Variants in RTEL1 observed in about 807,000 individuals in gnomAD.
RTEL1 encodes the protein regulator of telomere length.
In RTEL1, 86 loss-of-function variants were observed where a neutral mutation model predicts 162.2. The observed-to-expected ratio is 0.53, with a 90% CI of 0.45 to 0.63. The LOEUF (loss-of-function observed/expected upper bound fraction) is 0.63, where lower values mean the gene tolerates loss of function less well. RTEL1 is among the 30% of genes least tolerant of loss of function. The probability of loss-of-function intolerance (pLI) is 0.00; values close to 1 mark genes in which losing one functional copy is unlikely to be tolerated. For missense variants in RTEL1, 1,941 were observed against 1,750.2 expected (o/e 1.11, Z -1.95); for synonymous variants, 958 against 717.9 (o/e 1.33, Z -5.35).
At chr20:63,690,234 A>AT (rs768664212) in intron 25 of RTEL1, 24 bp downstream of exon 25, 2 of 1,609,944 alleles carry the variant, frequency 1.2e-6, no homozygotes, top group Non-Finnish European at 1.7e-6. Context: ...CAGGGAGGGG[A>AT]TGAGGGTGTT....
chr20:63,667,041 GTGTTAGCCAGGA>G (rs768875132), intron 7 of RTEL1, among the ~76,000 whole-genome samples: 13 of 150,006 alleles, frequency 8.7e-5, no homozygotes, highest in Admixed American at 2.7e-4. Context: ...GGGTTTCACC[GTGTTAGCCAGGA>G]TGGTCTCGAT....
At chr20:63,695,707 G>C (rs950409867) in intron 34 of RTEL1, 57 bp downstream of exon 34, 4 of 1,606,788 alleles carry the variant, frequency 2.5e-6, no homozygotes, top group Non-Finnish European at 3.4e-6. Flanking sequence ...ATGGGCTGAG[G>C]GGGAAAGGGC....
At position 63,696,197 on chromosome 20, in the gene RTEL1, C is replaced by T. The variant is rs1401696898; in HGVS notation, c.*339C>T. ...GGAGACCCCCGTGGGCACGTGTCCA[C>T]TTTTAATCAGGGGACAGGGCTCTCT... On this transcript the variant is annotated 3_prime_UTR_variant, in exon 35 of 35. Coordinates refer to ENST00000360203, the MANE Select transcript of RTEL1 (RefSeq NM_001283009.2). The T allele has an allele frequency of 1.6e-5, 7 of 426,250 alleles. No individual in the cohort carries two copies. The highest frequency in any genetic ancestry group is 8.1e-5 in the African/African-American group (4 of 49,536). The allele number at this position is 426,250 out of a possible 1,614,324, so 26.4% of individuals were successfully genotyped here. A position where few individuals can be genotyped will look rare whatever the true frequency, so the allele number is the denominator to read the frequency against.
chr20:63,672,725 C>G (rs2090269877), intron 9 of RTEL1, 104 bp downstream of exon 9: 2 of 959,288 alleles, frequency 2.1e-6, no homozygotes, highest in Non-Finnish European at 3.3e-6. Flanking sequence ...TCCTGAAGCC[C>G]TAGGTGCCCA....
chr20:63,692,659 A>G, intron 28 of RTEL1, 146 bp from the exon 29 acceptor site: 1 of 765,050 alleles, frequency 1.3e-6, no homozygotes, highest in Non-Finnish European at 2.1e-6. Context: ...CCCTATGTCC[A>G]TCCAGCCAGC....
intron 10 of RTEL1, among the ~76,000 whole-genome samples, chr20:63,677,286 C>CAT (rs1391129200): frequency 6.6e-6 from 1 of 152,214 alleles, no homozygotes; most frequent in African/African-American, 2.4e-5. Context: ...GAGATACAGC[C>CAT]ATACGCACAG....
intron 12 of RTEL1, among the ~76,000 whole-genome samples, chr20:63,679,591 C>G (rs1283275677): frequency 6.6e-6 from 1 of 152,160 alleles, no homozygotes; most frequent in East Asian, 1.9e-4. Flanking sequence ...GGGCGGAGGC[C>G]TCTCACCTCC....
In RTEL1 at chr20:63,682,216, G is replaced by A. The variant is rs2090489951; in HGVS notation, c.1191+1497G>A. The A allele has an allele frequency of 8.1e-6, 8 of 985,470 alleles. No homozygotes were observed. The South Asian group carries it at 1.9e-4, about 23-fold the overall frequency. 61.0% of individuals were successfully genotyped at this position (985,470 alleles called of 1,614,324 possible). A position where few individuals can be genotyped will look rare whatever the true frequency, so the allele number is the denominator to read the frequency against. ...ACACTCGAACTGAATCCTGGAATGC[G>A]GCTTCCAAGGCTTCCAGCTATGGAG... On this transcript the variant is annotated intron_variant, in intron 14 of 34. Coordinates refer to ENST00000360203, the MANE Select transcript of RTEL1 (RefSeq NM_001283009.2).
chr20:63,679,120 T>G (rs1601136397), intron 12 of RTEL1, among the ~76,000 whole-genome samples: 1 of 152,260 alleles, frequency 6.6e-6, no homozygotes, highest in East Asian at 1.9e-4. Context: ...TCCGTGGGGC[T>G]CCAGTCTTCT....
In RTEL1 at chr20:63,666,010, G is replaced by A; in HGVS notation, c.545G>A (p.Ser182Asn). Residue 182 changes from serine (S) to asparagine (N), a missense_variant, in exon 7 of 35, where the codon AGC becomes AAC. Coordinates refer to ENST00000360203, the MANE Select transcript of RTEL1 (RefSeq NM_001283009.2). Reference sequence around the variant, plus strand: ...CCCTGCCTCACACCTGCAGAAAAAAGCCTGGAGCAGGAGCTGGCCAGCCCC... The same window carrying A: ...CCCTGCCTCACACCTGCAGAAAAAAACCTGGAGCAGGAGCTGGCCAGCCCC... ...CHFYNNVEEK[S>N]LEQELASPIL... The A allele has an allele frequency of 6.2e-7, 1 of 1,614,000 alleles. No individual in the cohort carries two copies. The highest frequency in any genetic ancestry group is 8.5e-7 in the Non-Finnish European group (1 of 1,179,940).
At position 63,690,277 on chromosome 20, in the gene RTEL1, C is replaced by A. The variant is rs1427241312; in HGVS notation, c.2266-17C>A. ...GAGGAGCCAGAAATGGGTCCACCCACCCCCATGGTTCTGCAGATGCCAGCG... is the reference window on the plus strand; with the variant it reads ...GAGGAGCCAGAAATGGGTCCACCCAACCCCATGGTTCTGCAGATGCCAGCG... On this transcript the variant is annotated splice_polypyrimidine_tract_variant and intron_variant, in intron 25 of 34. Coordinates refer to ENST00000360203, the MANE Select transcript of RTEL1 (RefSeq NM_001283009.2). 6.2e-6 allele frequency: 10 copies of A among 1,601,410 alleles called. No individual in the cohort carries two copies. The Middle Eastern group carries it at 5.0e-4, about 80-fold the overall frequency.
In RTEL1 at chr20:63,688,558, C is replaced by T. The variant is rs1347654093; in HGVS notation, c.1753C>T (p.Leu585=). 3.1e-6 allele frequency: 5 copies of T among 1,610,496 alleles called. No individual in the cohort carries two copies. The highest frequency in any genetic ancestry group is 4.2e-6 in the Non-Finnish European group (5 of 1,179,494). ...ARDLARKMEA[L]KPLFVEPRSK... Reference sequence around the variant, plus strand: ...CGACTTGGCCAGGAAGATGGAGGCGCTGAAGCCGCTGTTTGTGGAGCCCAG... The same window carrying T: ...CGACTTGGCCAGGAAGATGGAGGCGTTGAAGCCGCTGTTTGTGGAGCCCAG... The change falls in exon 21 of 35, where the codon CTG becomes TTG. Residue 585 remains leucine, a synonymous_variant. Transcript: ENST00000360203.
In RTEL1 at chr20:63,660,439, C is replaced by A. The variant is rs181338328; in HGVS notation, c.103-859C>A. ...GACTGGAGAATGGCGATGACTTTTACCAAGCATACTGCCTGTAAACATATT... is the reference window on the plus strand; with the variant it reads ...GACTGGAGAATGGCGATGACTTTTAACAAGCATACTGCCTGTAAACATATT... On this transcript the variant is annotated intron_variant, in intron 2 of 34. Coordinates refer to ENST00000360203, the MANE Select transcript of RTEL1 (RefSeq NM_001283009.2). Among the ~76,000 whole-genome samples the A allele has an allele frequency of 3.3e-5, 5 of 152,352 alleles. 1 individual carries two copies. Among genetic ancestry groups the A allele is most frequent in the African/African-American group, 1.2e-4 (5 of 41,576 alleles).
chr20:63,689,259 G>A lies in RTEL1; in HGVS notation c.1878+127G>A. Reference sequence around the variant, plus strand: ...CTCCTTGGGTCCCACGAGAGCGACTGCTGGCCCTGCTGGGAGCGTGTCCTG... The same window carrying A: ...CTCCTTGGGTCCCACGAGAGCGACTACTGGCCCTGCTGGGAGCGTGTCCTG... On this transcript the variant is annotated intron_variant, in intron 22 of 34. Transcript: ENST00000360203. 3.1e-6 allele frequency: 3 copies of A among 959,868 alleles called. 1 individual carries two copies. The South Asian group carries it at 4.6e-5, about 15-fold the overall frequency. 59.5% of individuals were successfully genotyped at this position (959,868 alleles called of 1,614,324 possible).
chr20:63,658,379 T>C lies in RTEL1; in HGVS notation c.-258T>C, dbSNP rs962756179. On this transcript the variant is annotated 5_prime_UTR_variant, in exon 1 of 35. Coordinates refer to ENST00000360203, the MANE Select transcript of RTEL1 (RefSeq NM_001283009.2). ...CGAAAACTCTGAGCTGGCTGACAGC[T>C]GGGGACGGGTGGCGGCCCTCGACTG... 1 of 152,444 alleles carries C rather than the reference T, an allele frequency of 6.6e-6. No individual in the cohort carries two copies. Among genetic ancestry groups the C allele is most frequent in the African/African-American group, 2.4e-5 (1 of 41,464 alleles). 9.4% of individuals were successfully genotyped at this position (152,444 alleles called of 1,614,324 possible). A position where few individuals can be genotyped will look rare whatever the true frequency, so the allele number is the denominator to read the frequency against.
intron 20 of RTEL1, 57 bp from the exon 21 acceptor site, chr20:63,688,471 C>T (rs1284473669): frequency 6.2e-7 from 1 of 1,606,610 alleles, no homozygotes; most frequent in Non-Finnish European, 8.5e-7. Context: ...CCTGCTTGCC[C>T]TCATCGGATC....
intron 30 of RTEL1, among the ~76,000 whole-genome samples, chr20:63,694,001 C>G (rs550227881): frequency 2.0e-5 from 3 of 151,914 alleles, no homozygotes; most frequent in Non-Finnish European, 4.4e-5. Context: ...GCGGAAGCAT[C>G]TGTGTTCGTG....
intron 24 of RTEL1, 67 bp downstream of exon 24, chr20:63,689,932 T>A: frequency 6.4e-7 from 1 of 1,558,400 alleles, no homozygotes; most frequent in Non-Finnish European, 8.7e-7. Context: ...GCCCCTGGAC[T>A]CTCCTTCCCC....
At chr20:63,691,042 C>A in intron 27 of RTEL1, 95 bp downstream of exon 27, 1 of 1,278,044 alleles carries the variant, frequency 7.8e-7, no homozygotes, top group Non-Finnish European at 1.0e-6. Context: ...CCCCACACAC[C>A]CCTGTAAATC....
Sources: allele counts gnomAD v4.1 joint callset (sites outside exome capture counted in the v4.1 genomes callset), GRCh38; gene constraint gnomAD v4.1.1; transcripts MANE v1.5; gene names NCBI Gene and HGNC (gene_info 2026-07-23, HGNC 2026-07-21).